The following CAMKMT variants were observed in gnomAD, a reference collection of about 807,000 sequenced individuals.
CAMKMT encodes CaM KMT.
Under a neutral mutation model 48.0 loss-of-function variants are expected in CAMKMT, and 53 were observed. That is an observed-to-expected ratio of 1.10 (90% CI 0.89 to 1.39). CAMKMT has a LOEUF of 1.39. Ranked by LOEUF, CAMKMT falls within the 40% of genes most tolerant of loss-of-function variation. The pLI is 0.00. For synonymous variants in CAMKMT, 165 were observed against 152.3 expected (o/e 1.08, Z -0.61); for missense variants, 428 against 402.7 (o/e 1.06, Z -0.54).
chr2:44,688,594 C>T (rs751269654), intron 3 of CAMKMT, among the ~76,000 whole-genome samples: 20 of 151,958 alleles, frequency 1.3e-4, no homozygotes, highest in Non-Finnish European at 2.4e-4. Context: ...TAGGTTTAGA[C>T]TAAACCCCAA....
chr2:44,433,717 CTT>C (rs894348677), intron 3 of CAMKMT, among the ~76,000 whole-genome samples: 1 of 152,148 alleles, frequency 6.6e-6, no homozygotes, highest in African/African-American at 2.4e-5. Context: ...ATTTGATTAA[CTT>C]TTGAAAACAT....
intron 3 of CAMKMT, among the ~76,000 whole-genome samples, chr2:44,423,692 C>G (rs1684081422): frequency 6.6e-6 from 1 of 152,184 alleles, no homozygotes; most frequent in South Asian, 2.1e-4. Flanking sequence ...GTTTTCTGCA[C>G]TTAACACTAC....
intron 3 of CAMKMT, among the ~76,000 whole-genome samples, chr2:44,579,650 T>C (rs1277025965): frequency 6.6e-6 from 1 of 152,216 alleles, no homozygotes; most frequent in Non-Finnish European, 1.5e-5. Context: ...TGACAAACTC[T>C]TGAGCATTGC....
At chr2:44,622,569 C>T (rs1672258867) in intron 3 of CAMKMT, among the ~76,000 whole-genome samples, 1 of 152,194 alleles carries the variant, frequency 6.6e-6, no homozygotes. Flanking sequence ...GTTTGGCTCC[C>T]ACTTATAAGT....
chr2:44,429,807 C>CAAAAA (rs1168195679), intron 3 of CAMKMT, among the ~76,000 whole-genome samples: 4 of 64,756 alleles, frequency 6.2e-5, no homozygotes, highest in Admixed American at 2.3e-4. Context: ...GACTCCGTCT[C>CAAAAA]AAAAAAAAAA....
intron 3 of CAMKMT, among the ~76,000 whole-genome samples, chr2:44,414,696 T>C (rs190589829): frequency 6.6e-6 from 1 of 152,172 alleles, no homozygotes; most frequent in Non-Finnish European, 1.5e-5. Flanking sequence ...GGTGGAAATA[T>C]GAAGATGCAA....
chr2:44,387,660 T>C (rs1680905293), intron 2 of CAMKMT, among the ~76,000 whole-genome samples: 1 of 152,218 alleles, frequency 6.6e-6, no homozygotes, highest in Non-Finnish European at 1.5e-5. Context: ...TCTACTTTGA[T>C]GTGTTTCCAG....
At chr2:44,591,677 T>C (rs919749998) in intron 3 of CAMKMT, among the ~76,000 whole-genome samples, 71 of 151,184 alleles carry the variant, frequency 4.7e-4, no homozygotes, top group Admixed American at 6.6e-5. Flanking sequence ...GATCTAGAAC[T>C]AGAAATACCA....
intron 2 of CAMKMT, among the ~76,000 whole-genome samples, chr2:44,389,985 CA>C (rs1681167580): frequency 6.6e-6 from 1 of 152,038 alleles, no homozygotes; most frequent in Non-Finnish European, 1.5e-5. Flanking sequence ...GAAAACCCAA[CA>C]AGTAAATATT....
chr2:44,397,332 G>A (rs1056432354), intron 3 of CAMKMT, among the ~76,000 whole-genome samples: 4 of 152,206 alleles, frequency 2.6e-5, no homozygotes, highest in Non-Finnish European at 5.9e-5. Context: ...GCATTATGTG[G>A]TTAGAACGCA....
At chr2:44,534,209 C>T (rs1162855871) in intron 3 of CAMKMT, among the ~76,000 whole-genome samples, 1 of 152,038 alleles carries the variant, frequency 6.6e-6, no homozygotes, top group South Asian at 2.1e-4. Context: ...CACTGGAGCA[C>T]CCAGATTATA....
At chr2:44,447,670 C>T (rs1022244942) in intron 3 of CAMKMT, among the ~76,000 whole-genome samples, 16 of 152,250 alleles carry the variant, frequency 1.1e-4, no homozygotes, top group African/African-American at 3.9e-4. Flanking sequence ...CCATGTACTA[C>T]TTCTCAAACA....
At chr2:44,478,988 C>T (rs1242823683) in intron 3 of CAMKMT, among the ~76,000 whole-genome samples, 3 of 152,174 alleles carry the variant, frequency 2.0e-5, no homozygotes, top group East Asian at 1.9e-4. Context: ...CGTGAGCCAC[C>T]GCGCCCGGCA....
At chr2:44,764,811 C>T (rs936668383) in intron 9 of CAMKMT, among the ~76,000 whole-genome samples, 5 of 152,148 alleles carry the variant, frequency 3.3e-5, no homozygotes, top group Middle Eastern at 3.2e-3. Context: ...CTATCATTAT[C>T]ATTGTCATCA....
At chr2:44,558,097 C>T (rs1004000629) in intron 3 of CAMKMT, among the ~76,000 whole-genome samples, 4 of 152,084 alleles carry the variant, frequency 2.6e-5, no homozygotes, top group Non-Finnish European at 5.9e-5. Flanking sequence ...CTCTGTCATC[C>T]AGGCTGGAGT....
intron 5 of CAMKMT, among the ~76,000 whole-genome samples, chr2:44,707,100 A>G (rs749187524): frequency 1.3e-5 from 2 of 151,972 alleles, no homozygotes; most frequent in South Asian, 2.1e-4. Flanking sequence ...TGATGGCTCT[A>G]CTAGATAAAC....
chr2:44,390,737 A>G (rs898934562), intron 3 of CAMKMT, among the ~76,000 whole-genome samples: 1 of 152,172 alleles, frequency 6.6e-6, no homozygotes, highest in African/African-American at 2.4e-5. Context: ...GAATAAACCC[A>G]GAACATATTT....
intron 3 of CAMKMT, among the ~76,000 whole-genome samples, chr2:44,685,831 C>T (rs1676304438): frequency 6.6e-6 from 1 of 151,954 alleles, no homozygotes; most frequent in Non-Finnish European, 1.5e-5. Flanking sequence ...CCCATTTCAA[C>T]AATGGAACAG....
At chr2:44,446,334 T>G (rs1666996208) in intron 3 of CAMKMT, among the ~76,000 whole-genome samples, 2 of 152,054 alleles carry the variant, frequency 1.3e-5, no homozygotes, top group South Asian at 4.2e-4. Flanking sequence ...GGTCTTTCCC[T>G]TATATTATTT....
Sources: gnomAD v4.1 joint callset for allele counts (sites outside exome capture counted in the v4.1 genomes callset) on GRCh38, gnomAD v4.1.1 for gene constraint, MANE v1.5 for transcripts, NCBI Gene and HGNC (gene_info 2026-07-23, HGNC 2026-07-21) for gene names.